The following IQCM variants were observed in gnomAD, a reference collection of about 807,000 sequenced individuals.
The protein encoded by IQCM is IQ motif containing M, also known as IQ domain-containing protein M.
Under a neutral mutation model 57.6 loss-of-function variants are expected in IQCM, and 45 were observed. The observed-to-expected ratio is 0.78, with a 90% CI of 0.62 to 1.00. IQCM has a LOEUF of 1.00. Ranked by LOEUF, IQCM falls within the 50% of genes least tolerant of loss-of-function variation. IQCM has a pLI of 0.00. For missense variants in IQCM, 468 were observed against 511.6 expected, an observed-to-expected ratio of 0.91 and a Z score of 0.82; for synonymous variants, 148 against 158.9, an observed-to-expected ratio of 0.93 and a Z score of 0.51.
chr4:149,409,421 T>C (rs1349236827), intron 13 of IQCM, among the ~76,000 whole-genome samples: 3 of 152,192 alleles, frequency 2.0e-5, no homozygotes, highest in African/African-American at 4.8e-5. Flanking sequence ...ATGTGGCAAA[T>C]AGTCCAGCAA....
chr4:149,631,834 C>T (rs1757292151), intron 7 of IQCM, among the ~76,000 whole-genome samples: 1 of 152,100 alleles, frequency 6.6e-6, no homozygotes, highest in Non-Finnish European at 1.5e-5. Context: ...ACCATGGTTT[C>T]ACTGTGAAAC....
intron 8 of IQCM, among the ~76,000 whole-genome samples, chr4:149,614,026 A>C (rs564747009): frequency 6.6e-6 from 1 of 152,270 alleles, no homozygotes; most frequent in East Asian, 1.9e-4. Flanking sequence ...TACAAAACGA[A>C]TGACCTGTTT....
At chr4:149,402,331 C>T (rs1016878520) in intron 13 of IQCM, among the ~76,000 whole-genome samples, 3 of 151,256 alleles carry the variant, frequency 2.0e-5, no homozygotes, top group Non-Finnish European at 4.4e-5. Context: ...TGATGGGGGC[C>T]TAAGGTCACA....
chr4:149,452,413 C>T (rs927232995), intron 12 of IQCM, among the ~76,000 whole-genome samples: 21 of 148,884 alleles, frequency 1.4e-4, no homozygotes, highest in African/African-American at 4.2e-4. Context: ...AAATGAAGAA[C>T]GTATACTATC....
chr4:149,634,995 GT>G (rs942923475), intron 7 of IQCM, among the ~76,000 whole-genome samples: 8 of 152,186 alleles, frequency 5.3e-5, no homozygotes, highest in Non-Finnish European at 8.8e-5. Flanking sequence ...TATTATCCTA[GT>G]TTTTTTACTT....
chr4:149,585,322 T>C (rs1344081322), intron 9 of IQCM, among the ~76,000 whole-genome samples: 1 of 151,714 alleles, frequency 6.6e-6, no homozygotes, highest in Non-Finnish European at 1.5e-5. Flanking sequence ...GAAATTCCTC[T>C]GTAACAAGAA....
intron 5 of IQCM, among the ~76,000 whole-genome samples, chr4:149,715,741 G>A (rs1459643669): frequency 6.6e-6 from 1 of 152,196 alleles, no homozygotes; most frequent in Non-Finnish European, 1.5e-5. Flanking sequence ...GCTCTCAGGA[G>A]ACCCGAAGTG....
intron 13 of IQCM, among the ~76,000 whole-genome samples, chr4:149,354,240 T>C (rs1219479192): frequency 1.1e-3 from 168 of 146,296 alleles, no homozygotes; most frequent in African/African-American, 4.1e-3. Context: ...GGCGGGCGCC[T>C]GTAGTCCCAG....
At chr4:149,395,668 T>A (rs1443134594) in intron 13 of IQCM, among the ~76,000 whole-genome samples, 1 of 152,014 alleles carries the variant, frequency 6.6e-6, no homozygotes, top group East Asian at 1.9e-4. Flanking sequence ...AATGTTATTC[T>A]AAGTAGCTCA....
Position 149,515,488 on chromosome 4 carries a change from G to A in IQCM, c.1228+32967C>T, listed in dbSNP as rs183289627. ...CACACTGCCTTCTCTCCCTCAGCCT[G>A]CACCAATGCTCTCATGGGGAGTTCT... is the stretch of plus-strand genomic sequence containing the variant. On this transcript the variant is annotated intron_variant, in intron 12 of 13. Transcript: ENST00000636793. Among the ~76,000 whole-genome samples, 24 of 152,278 alleles carry A rather than the reference G, an allele frequency of 1.6e-4. No homozygotes were observed. In the East Asian group the frequency reaches 4.4e-3, roughly 28 times the overall value.
chr4:149,678,057 C>A (rs950373360), intron 7 of IQCM, among the ~76,000 whole-genome samples: 5 of 151,704 alleles, frequency 3.3e-5, no homozygotes, highest in Non-Finnish European at 7.4e-5. Flanking sequence ...AAGACCAAAT[C>A]TAAGAATTAT....
At chr4:149,587,503 A>C (rs1752749593) in intron 9 of IQCM, among the ~76,000 whole-genome samples, 1 of 151,800 alleles carries the variant, frequency 6.6e-6, no homozygotes, top group African/African-American at 2.4e-5. Context: ...TAGCAAAGCA[A>C]TCTAAGAGTT....
intron 2 of IQCM, among the ~76,000 whole-genome samples, chr4:149,778,780 C>T (rs919944461): frequency 6.6e-6 from 1 of 151,992 alleles, no homozygotes; most frequent in African/African-American, 2.4e-5. Flanking sequence ...TATAAATTGT[C>T]ATAATTAACC....
intron 12 of IQCM, among the ~76,000 whole-genome samples, chr4:149,470,072 G>A: frequency 6.6e-6 from 1 of 152,086 alleles, no homozygotes; most frequent in Admixed American, 6.6e-5. Context: ...CAACTAACGA[G>A]CAAAATAACC....
intron 5 of IQCM, among the ~76,000 whole-genome samples, chr4:149,690,083 G>A (rs1000743732): frequency 1.3e-5 from 2 of 152,032 alleles, no homozygotes; most frequent in African/African-American, 4.8e-5. Context: ...AGGAAAAGAA[G>A]TCATCATACG....
Position 149,715,893 on chromosome 4 carries a change from T to A in IQCM, c.385+17351A>T, listed in dbSNP as rs992118486. On this transcript the variant is annotated intron_variant, in intron 5 of 13. Transcript: ENST00000636793. ...TGAGACCAGTAGTGGGTGGCTCTTA[T>A]CTGCAGATAGGTCTTCCTGTCCTCT... Among the ~76,000 whole-genome samples, 4 of 152,184 alleles carry A rather than the reference T, an allele frequency of 2.6e-5. No homozygotes were observed. The South Asian group carries it at 6.2e-4, about 24-fold the overall frequency.
intron 13 of IQCM, among the ~76,000 whole-genome samples, chr4:149,417,191 ATAG>A (rs1421969084): frequency 1.3e-5 from 2 of 152,170 alleles, no homozygotes; most frequent in African/African-American, 4.8e-5. Context: ...GTTGCATAAA[ATAG>A]TTTTTTTCTT....
chr4:149,707,195 A>T (rs12503782), intron 5 of IQCM, among the ~76,000 whole-genome samples: 3,992 of 152,166 alleles, frequency 0.026, 138 homozygotes, highest in South Asian at 0.16. Flanking sequence ...TGGTAGTAGC[A>T]TTAGGCTATG....
intron 13 of IQCM, among the ~76,000 whole-genome samples, chr4:149,398,974 A>G (rs574083777): frequency 6.6e-6 from 1 of 152,030 alleles, no homozygotes; most frequent in East Asian, 1.9e-4. Flanking sequence ...GGCTTAAGTG[A>G]TCTTCCTGCC....
Sources: gnomAD v4.1 joint callset for allele counts (sites outside exome capture counted in the v4.1 genomes callset) on GRCh38, gnomAD v4.1.1 for gene constraint, MANE v1.5 for transcripts, NCBI Gene and HGNC (gene_info 2026-07-23, HGNC 2026-07-21) for gene names.